The following ITPR2 variants were observed in gnomAD, a reference collection of about 807,000 sequenced individuals.
ITPR2 encodes inositol 1,4,5-trisphosphate receptor type 2, also known as inositol 1,4,5-trisphosphate-gated calcium channel ITPR2.
ITPR2 carries 207 observed loss-of-function variants against 317.1 expected under a neutral mutation model. The ratio of observed to expected loss-of-function variants is 0.65; its 90% confidence interval spans 0.58 to 0.73. ITPR2 has a LOEUF of 0.73. Ranked by LOEUF, ITPR2 falls within the 30% of genes least tolerant of loss-of-function variation. The pLI, the probability that ITPR2 is intolerant of heterozygous loss-of-function variation, is 0.00. For synonymous variants in ITPR2, 1,156 were observed against 1,149.1 expected (o/e 1.01, Z -0.12); for missense variants, 2,613 against 3,284.0 (o/e 0.80, Z 4.99).
chr12:26,570,081 G>A (rs1182895879), intron 34 of ITPR2, among the ~76,000 whole-genome samples: 1 of 152,152 alleles, frequency 6.6e-6, no homozygotes, highest in Non-Finnish European at 1.5e-5. Context: ...TTTTATTCAT[G>A]TGATAAATAT....
intron 37 of ITPR2, among the ~76,000 whole-genome samples, chr12:26,541,714 G>A (rs1028720272): frequency 1.3e-5 from 2 of 152,172 alleles, no homozygotes; most frequent in Non-Finnish European, 2.9e-5. Context: ...TGCAATTATT[G>A]CTGGGACTGA....
At chr12:26,389,938 G>A (rs1453380047) in intron 54 of ITPR2, among the ~76,000 whole-genome samples, 1 of 152,110 alleles carries the variant, frequency 6.6e-6, no homozygotes, top group African/African-American at 2.4e-5. Flanking sequence ...TAGAGTATAA[G>A]AGCCACCTGG....
chr12:26,581,318 G>C (rs1342737871), intron 32 of ITPR2, among the ~76,000 whole-genome samples: 1 of 152,112 alleles, frequency 6.6e-6, no homozygotes, highest in East Asian at 1.9e-4. Flanking sequence ...GGGAGAAAGA[G>C]AACAGGGTTT....
intron 1 of ITPR2, among the ~76,000 whole-genome samples, chr12:26,792,457 G>C (rs1253948952): frequency 1.3e-5 from 2 of 151,676 alleles, no homozygotes; most frequent in Non-Finnish European, 2.9e-5. Context: ...ACCTCTTCTT[G>C]AATACTTCCA....
chr12:26,662,454 G>A (rs1947524166), intron 15 of ITPR2, among the ~76,000 whole-genome samples: 1 of 152,134 alleles, frequency 6.6e-6, no homozygotes, highest in Non-Finnish European at 1.5e-5. Context: ...TTCTAGGATT[G>A]ACATCCTAGG....
At chr12:26,629,710 G>T (rs920180595) in intron 22 of ITPR2, among the ~76,000 whole-genome samples, 1 of 150,904 alleles carries the variant, frequency 6.6e-6, no homozygotes, top group African/African-American at 2.4e-5. Flanking sequence ...CTCTGTCCTC[G>T]TCTGTCTCAG....
intron 1 of ITPR2, among the ~76,000 whole-genome samples, chr12:26,811,256 T>C (rs774273804): frequency 5.9e-5 from 9 of 152,214 alleles, no homozygotes; most frequent in African/African-American, 9.6e-5. Context: ...GATATGAAAC[T>C]AATTCAACAT....
At chr12:26,585,129 A>C (rs1173971007) in intron 32 of ITPR2, among the ~76,000 whole-genome samples, 7 of 152,214 alleles carry the variant, frequency 4.6e-5, no homozygotes, top group Admixed American at 2.6e-4. Flanking sequence ...AAAAATGAAA[A>C]TTACTTATAA....
chr12:26,665,262 A>G (rs1035893893), intron 14 of ITPR2, among the ~76,000 whole-genome samples: 1 of 152,218 alleles, frequency 6.6e-6, no homozygotes, highest in African/African-American at 2.4e-5. Context: ...AAGCAGATGG[A>G]GATGGCACTT....
At chr12:26,622,145 A>G in intron 25 of ITPR2, 95 bp downstream of exon 25, 1 of 1,072,208 alleles carries the variant, frequency 9.3e-7, no homozygotes, top group Non-Finnish European at 1.3e-6. Context: ...AAAGCCACAC[A>G]GTGTCATTAC....
intron 9 of ITPR2, among the ~76,000 whole-genome samples, chr12:26,707,533 A>G (rs1428251533): frequency 6.6e-6 from 1 of 152,078 alleles, no homozygotes; most frequent in Admixed American, 6.6e-5. Context: ...GGGCTATTTT[A>G]TTTTATTTTA....
At chr12:26,763,951 A>G (rs1351800333) in intron 2 of ITPR2, among the ~76,000 whole-genome samples, 1 of 152,100 alleles carries the variant, frequency 6.6e-6, no homozygotes, top group Admixed American at 6.6e-5. Context: ...TAACTTCAAA[A>G]CCTGCTATAA....
At chr12:26,579,471 T>C (rs1945345761) in intron 33 of ITPR2, among the ~76,000 whole-genome samples, 1 of 152,132 alleles carries the variant, frequency 6.6e-6, no homozygotes, top group Non-Finnish European at 1.5e-5. Flanking sequence ...ATTTGGATAA[T>C]ACTATAATGG....
At chr12:26,365,378 T>G (rs928540012) in intron 55 of ITPR2, among the ~76,000 whole-genome samples, 1 of 152,206 alleles carries the variant, frequency 6.6e-6, no homozygotes, top group African/African-American at 2.4e-5. Context: ...ATTACATGAC[T>G]CTTTTTTTCT....
intron 55 of ITPR2, among the ~76,000 whole-genome samples, chr12:26,379,366 T>C (rs187266181): frequency 2.4e-4 from 36 of 152,346 alleles, no homozygotes; most frequent in Non-Finnish European, 3.5e-4. Flanking sequence ...GGTAGTGTTG[T>C]TAGTGGCATG....
chr12:26,347,381 G>A (rs1285157506), intron 55 of ITPR2, among the ~76,000 whole-genome samples: 3 of 152,192 alleles, frequency 2.0e-5, no homozygotes, highest in African/African-American at 7.2e-5. Context: ...CTACATCATA[G>A]TAATGTATCC....
intron 55 of ITPR2, among the ~76,000 whole-genome samples, chr12:26,352,732 T>C (rs1266042184): frequency 2.0e-5 from 3 of 152,168 alleles, no homozygotes; most frequent in Non-Finnish European, 1.5e-5. Context: ...AAATAGTTGG[T>C]TAGCATGATT....
intron 1 of ITPR2, among the ~76,000 whole-genome samples, chr12:26,826,690 C>T (rs146900934): frequency 2.6e-5 from 4 of 152,228 alleles, no homozygotes; most frequent in Admixed American, 1.3e-4. Flanking sequence ...GGTTCTGAGG[C>T]GATCCTGAGA....
intron 13 of ITPR2, among the ~76,000 whole-genome samples, chr12:26,667,815 G>C (rs747353372): frequency 1.1e-4 from 17 of 152,128 alleles, no homozygotes; most frequent in Non-Finnish European, 2.2e-4. Context: ...AAAATTTTGT[G>C]AGCAACTACA....
Sources: allele counts gnomAD v4.1 joint callset (sites outside exome capture counted in the v4.1 genomes callset), GRCh38; gene constraint gnomAD v4.1.1; transcripts MANE v1.5; gene names NCBI Gene and HGNC (gene_info 2026-07-23, HGNC 2026-07-21).